The following AKIP1 variants were observed in gnomAD, a reference collection of about 807,000 sequenced individuals.
The protein encoded by AKIP1 is A-kinase interacting protein 1.
AKIP1 carries 18 observed loss-of-function variants against 22.3 expected under a neutral mutation model. The ratio of observed to expected loss-of-function variants is 0.81; its 90% CI spans 0.56 to 1.19. The LOEUF (loss-of-function observed/expected upper bound fraction) is 1.19. AKIP1 is among the 50% of genes most tolerant of loss of function. The pLI, the probability that AKIP1 is intolerant of heterozygous loss-of-function variation, is 0.00. For synonymous variants in AKIP1, 120 were observed against 102.7 expected (o/e 1.17, Z -1.02); for missense variants, 287 against 264.6 (o/e 1.08, Z -0.59).
intron 5 of AKIP1, among the ~76,000 whole-genome samples, chr11:8,918,926 A>T (rs183045572): frequency 1.3e-5 from 2 of 152,310 alleles, no homozygotes; most frequent in Admixed American, 6.5e-5. Flanking sequence ...GTTTAAAAGA[A>T]TGGCTCTCAT....
At chr11:8,911,247 G>C in intron 1 of AKIP1, 24 bp downstream of exon 1, 1 of 579,396 alleles carries the variant, frequency 1.7e-6, no homozygotes, top group South Asian at 2.2e-5. Flanking sequence ...CTAAGTAGCG[G>C]AAGGGGTAGA....
At chr11:8,915,323 T>C (rs887713947) in intron 4 of AKIP1, among the ~76,000 whole-genome samples, 4 of 150,906 alleles carry the variant, frequency 2.7e-5, no homozygotes, top group Non-Finnish European at 5.9e-5. Flanking sequence ...GCTCTAAATA[T>C]CCTCTTCTAC....
At chr11:8,914,191 CATT>C (rs2064442094) in intron 3 of AKIP1, among the ~76,000 whole-genome samples, 1 of 152,146 alleles carries the variant, frequency 6.6e-6, no homozygotes, top group South Asian at 2.1e-4. Context: ...GCTGTGATGT[CATT>C]AGTCATTATC....
At chr11:8,914,754 C>T in intron 3 of AKIP1, 72 bp from the exon 4 acceptor site, 3 of 1,239,898 alleles carry the variant, frequency 2.4e-6, no homozygotes, top group Non-Finnish European at 3.5e-6. Flanking sequence ...GCACTTTGCC[C>T]AAATATCAGG....
chr11:8,919,467 T>C lies in AKIP1; in HGVS notation c.620T>C (p.Val207Ala), dbSNP rs2064543216. Residue 207 changes from valine to alanine, a missense_variant, in exon 6 of 6, where the codon GTC becomes GCC. Physicochemically the swap from Val to Ala is moderately conservative, Grantham distance 64. Transcript: ENST00000309377. ...AVDSGQSVDL[V>A]FPV Reference sequence around the variant, plus strand: ...GATTCTGGACAAAGCGTGGACCTGGTCTTCCCTGTGTGATGTTGACCATCA... The same window carrying C: ...GATTCTGGACAAAGCGTGGACCTGGCCTTCCCTGTGTGATGTTGACCATCA... 6.2e-7 allele frequency: 1 copy of C among 1,613,814 alleles called. No homozygotes were observed. Among genetic ancestry groups the C allele is most frequent in the Non-Finnish European group, 8.5e-7 (1 of 1,179,938 alleles).
Position 8,912,517 on chromosome 11 carries a change from C to T in AKIP1, c.287C>T (p.Thr96Ile), listed in dbSNP as rs778625273. 6.2e-6 allele frequency: 10 copies of T among 1,613,944 alleles called. No homozygotes were observed. The highest frequency in any genetic ancestry group is 1.7e-6 in the Non-Finnish European group (2 of 1,179,926). Reference sequence around the variant, plus strand: ...ACAATGGCTGAATTCATGGACTATACTTCAAGTCAGTGTGGGGTAAGTTGG... The same window carrying T: ...ACAATGGCTGAATTCATGGACTATATTTCAAGTCAGTGTGGGGTAAGTTGG... ...FRTMAEFMDY[T>I]SSQCGKYYSS... The change falls in exon 3 of 6, where the codon ACT becomes ATT. Residue 96 changes from threonine to isoleucine, a missense_variant. Coordinates refer to ENST00000309377, the MANE Select transcript of AKIP1 (RefSeq NM_020642.4).
At chr11:8,911,310 G>C in intron 1 of AKIP1, 87 bp downstream of exon 1, 1 of 761,382 alleles carries the variant, frequency 1.3e-6, no homozygotes, top group Non-Finnish European at 2.1e-6. Context: ...GGCTCCCGCT[G>C]GAGTGTGCGT....
At position 8,919,313 on chromosome 11, in the gene AKIP1, G is replaced by A. The variant is rs201013203; in HGVS notation, c.490-24G>A. On this transcript the variant is annotated intron_variant, in intron 5 of 5. Transcript: ENST00000309377. ...CACTGGGGTATAAAATCTCTAAACT[G>A]CTAATATCCTCTTTTCCTTCTAGGC... 8 of 1,607,152 alleles carry A rather than the reference G, an allele frequency of 5.0e-6. No homozygotes were observed. In the Middle Eastern group the frequency reaches 6.6e-4, roughly 133 times the overall value.
chr11:8,919,960 G>A lies in AKIP1; in HGVS notation c.*480G>A. On this transcript the variant is annotated 3_prime_UTR_variant, in exon 6 of 6. Transcript: ENST00000309377. ...CCTCAGTGCCTTTTTTAACTTGAGGGTGTAGAGGTCCTCCACGCTTGTTTG... is the reference window on the plus strand; with the variant it reads ...CCTCAGTGCCTTTTTTAACTTGAGGATGTAGAGGTCCTCCACGCTTGTTTG... The A allele has an allele frequency of 6.1e-6, 1 of 163,162 alleles. No homozygotes were observed. Among genetic ancestry groups the A allele is most frequent in the Non-Finnish European group, 1.3e-5 (1 of 75,134 alleles). 10.1% of individuals were successfully genotyped at this position (163,162 alleles called of 1,614,324 possible). A position where few individuals can be genotyped will look rare whatever the true frequency, so the allele number is the denominator to read the frequency against.
chr11:8,911,402 C>G, intron 1 of AKIP1, 42 bp from the exon 2 acceptor site: 2 of 1,512,174 alleles, frequency 1.3e-6, no homozygotes, highest in African/African-American at 1.4e-5. Flanking sequence ...TCGCCGCGGC[C>G]CAGCTGACCC....
At chr11:8,914,794 G>A (rs768128986) in intron 3 of AKIP1, 32 bp from the exon 4 acceptor site, 48 of 1,541,196 alleles carry the variant, frequency 3.1e-5, no homozygotes, top group Middle Eastern at 1.9e-4. Context: ...AGACAATTTG[G>A]TTAGCTAACA....
chr11:8,911,300 G>C, intron 1 of AKIP1, 77 bp downstream of exon 1: 1 of 701,526 alleles, frequency 1.4e-6, no homozygotes, highest in South Asian at 1.9e-5. Flanking sequence ...GTCCTGGCTG[G>C]GCTCCCGCTG....
intron 5 of AKIP1, chr11:8,917,675 A>G: frequency 2.2e-6 from 1 of 450,852 alleles, no homozygotes; most frequent in South Asian, 6.9e-5. Context: ...TCCTGCTGGA[A>G]TTCCACCATC....
At chr11:8,917,748 C>G (rs2064508998) in intron 5 of AKIP1, 1 of 366,852 alleles carries the variant, frequency 2.7e-6, no homozygotes, top group African/African-American at 2.0e-5. Flanking sequence ...TGCTGAAATT[C>G]CGAAACATAC....
intron 2 of AKIP1, among the ~76,000 whole-genome samples, chr11:8,912,061 G>A (rs1276362925): frequency 6.6e-6 from 1 of 151,670 alleles, no homozygotes; most frequent in Non-Finnish European, 1.5e-5. Context: ...GCCGGGCGTG[G>A]TGGCGCATGT....
chr11:8,915,181 G>A (rs1006029050), intron 4 of AKIP1, among the ~76,000 whole-genome samples: 8 of 152,168 alleles, frequency 5.3e-5, no homozygotes, highest in Non-Finnish European at 8.8e-5. Context: ...TGGGCCATGG[G>A]ATTCTCCAGC....
chr11:8,914,978 A>G, intron 4 of AKIP1, 48 bp downstream of exon 4: 2 of 1,429,116 alleles, frequency 1.4e-6, no homozygotes, highest in Non-Finnish European at 2.0e-6. Context: ...CTACCAAGAT[A>G]TGACACCCTA....
At chr11:8,916,480 T>C (rs943230441) in intron 4 of AKIP1, among the ~76,000 whole-genome samples, 2 of 152,200 alleles carry the variant, frequency 1.3e-5, no homozygotes, top group Admixed American at 1.3e-4. Flanking sequence ...TTTTTGCTTT[T>C]GTTTTAACCT....
At chr11:8,914,744 G>T in intron 3 of AKIP1, 82 bp from the exon 4 acceptor site, 1 of 1,031,740 alleles carries the variant, frequency 9.7e-7, no homozygotes, top group Admixed American at 1.8e-5. Context: ...CTCCTTAACT[G>T]CACTTTGCCC....
Sources: allele counts gnomAD v4.1 joint callset (sites outside exome capture counted in the v4.1 genomes callset), GRCh38; gene constraint gnomAD v4.1.1; transcripts MANE v1.5; gene names NCBI Gene and HGNC (gene_info 2026-07-23, HGNC 2026-07-21).